PKN2: variants seen among roughly 807,000 people sequenced by gnomAD.
PKN2 encodes serine/threonine-protein kinase N2.
A neutral mutation model predicts 119.1 loss-of-function variants in PKN2; 38 were observed. The ratio of observed to expected loss-of-function variants is 0.32; its 90% CI spans 0.25 to 0.42. The LOEUF is 0.42. Ranked by LOEUF, PKN2 falls within the 10% of genes least tolerant of loss-of-function variation. The pLI is 1.00. For synonymous variants in PKN2, 390 were observed against 384.9 expected (o/e 1.01, Z -0.15); for missense variants, 850 against 1,165.1 (o/e 0.73, Z 3.94).
At chr1:88,764,912 T>C (rs749939693) in intron 3 of PKN2, among the ~76,000 whole-genome samples, 8 of 151,866 alleles carry the variant, frequency 5.3e-5, no homozygotes, top group African/African-American at 1.2e-4. Context: ...TTTGTTGTTA[T>C]TGTTGTTTTG....
chr1:88,802,496 T>C (rs1287539532), intron 8 of PKN2, among the ~76,000 whole-genome samples: 1 of 152,162 alleles, frequency 6.6e-6, no homozygotes, highest in Non-Finnish European at 1.5e-5. Context: ...GGCTAACTTT[T>C]GTATTTTTAG....
At chr1:88,804,591 C>A in intron 9 of PKN2, 57 bp downstream of exon 9, 1 of 1,490,210 alleles carries the variant, frequency 6.7e-7, no homozygotes, top group Non-Finnish European at 9.3e-7. Flanking sequence ...CATATGTAGG[C>A]AGCATAATAT....
chr1:88,759,597 A>G (rs1317364347), intron 2 of PKN2, among the ~76,000 whole-genome samples: 1 of 152,082 alleles, frequency 6.6e-6, no homozygotes, highest in South Asian at 2.1e-4. Flanking sequence ...TAGTTTGTGC[A>G]CATATTTTAC....
At chr1:88,722,799 AAAG>A (rs966927163) in intron 1 of PKN2, among the ~76,000 whole-genome samples, 7 of 151,238 alleles carry the variant, frequency 4.6e-5, no homozygotes, top group South Asian at 2.1e-4. Flanking sequence ...AAAAAAAAAA[AAAG>A]AAACGAAAAA....
intron 3 of PKN2, among the ~76,000 whole-genome samples, chr1:88,764,599 G>C (rs948694990): frequency 7.2e-5 from 11 of 152,142 alleles, no homozygotes; most frequent in Non-Finnish European, 1.5e-4. Flanking sequence ...CTGCCCATTT[G>C]TGGCCGTTTA....
chr1:88,769,504 A>C (rs1322259752), intron 3 of PKN2, among the ~76,000 whole-genome samples: 2 of 152,234 alleles, frequency 1.3e-5, no homozygotes, highest in East Asian at 3.8e-4. Context: ...GAAAATTACA[A>C]ATGTGAATTT....
intron 3 of PKN2, among the ~76,000 whole-genome samples, chr1:88,762,774 T>G (rs2100785376): frequency 6.6e-6 from 1 of 152,332 alleles, no homozygotes; most frequent in South Asian, 2.1e-4. Flanking sequence ...TAAAATCTTT[T>G]AAGTTTTAGT....
chr1:88,723,906 C>T, intron 1 of PKN2, among the ~76,000 whole-genome samples: 1 of 152,066 alleles, frequency 6.6e-6, no homozygotes, highest in East Asian at 1.9e-4. Flanking sequence ...TATTTTTTCT[C>T]TTTTGGTTCT....
intron 1 of PKN2, among the ~76,000 whole-genome samples, chr1:88,729,552 C>T (rs1277001646): frequency 1.3e-5 from 2 of 152,152 alleles, no homozygotes; most frequent in African/African-American, 4.8e-5. Flanking sequence ...TGGTTTCTCT[C>T]GTCTTCCATG....
intron 1 of PKN2, among the ~76,000 whole-genome samples, chr1:88,715,258 G>A (rs1368151227): frequency 6.6e-6 from 1 of 152,052 alleles, no homozygotes; most frequent in Admixed American, 6.6e-5. Context: ...TCTCTGCCAG[G>A]CTTTGCTATA....
chr1:88,795,631 G>C (rs1338963757), intron 8 of PKN2, among the ~76,000 whole-genome samples: 2 of 152,146 alleles, frequency 1.3e-5, no homozygotes, highest in Non-Finnish European at 2.9e-5. Flanking sequence ...AGAGTACTGA[G>C]GTTCCAGGAG....
At chr1:88,692,788 CTT>C (rs1666383222) in intron 1 of PKN2, among the ~76,000 whole-genome samples, 1 of 152,100 alleles carries the variant, frequency 6.6e-6, no homozygotes, top group African/African-American at 2.4e-5. Flanking sequence ...CAGTTCCTAA[CTT>C]TTTCGCTTTC....
chr1:88,741,386 CTT>C (rs1284487401), intron 2 of PKN2, 98 bp downstream of exon 2: 5 of 775,040 alleles, frequency 6.5e-6, no homozygotes, highest in Non-Finnish European at 7.5e-6. Context: ...TAGTTTTTAG[CTT>C]TTCTGAAAGT....
chr1:88,701,068 A>G (rs952073798), intron 1 of PKN2, among the ~76,000 whole-genome samples: 2 of 152,220 alleles, frequency 1.3e-5, no homozygotes, highest in African/African-American at 4.8e-5. Flanking sequence ...ACCAGTCACA[A>G]CAGAAGTAGA....
intron 2 of PKN2, among the ~76,000 whole-genome samples, chr1:88,754,172 G>A (rs1328799001): frequency 6.6e-6 from 1 of 152,008 alleles, no homozygotes; most frequent in Non-Finnish European, 1.5e-5. Flanking sequence ...ATCTCTTTAT[G>A]TATTGTCTTC....
In PKN2 at chr1:88,784,805, A is replaced by G; in HGVS notation, c.1152A>G (p.Leu384=). ...KSKSGSSRNL[L]KTDDLSNDVC... ...AAAGCGGAAGTAGTCGAAATCTTCT[A>G]AAAACCGATGACTTGTCCAGTTCAG... The change falls in exon 7 of 22, where the codon CTA becomes CTG. Residue 384 remains leucine, a synonymous_variant. Transcript: ENST00000370521. 21 of 1,609,670 alleles carry G rather than the reference A, an allele frequency of 1.3e-5. No homozygotes were observed. Among genetic ancestry groups the G allele is most frequent in the Middle Eastern group, 1.7e-4 (1 of 6,050 alleles).
At chr1:88,705,038 G>T (rs1380884869) in intron 1 of PKN2, among the ~76,000 whole-genome samples, 1 of 151,796 alleles carries the variant, frequency 6.6e-6, no homozygotes, top group African/African-American at 2.4e-5. Context: ...CTTATTGAAT[G>T]TTGAGAGTCT....
At position 88,770,408 on chromosome 1, in the gene PKN2, A is replaced by G; in HGVS notation, c.561A>G (p.Ile187Met). 1 of 1,613,712 alleles carries G rather than the reference A, an allele frequency of 6.2e-7. No homozygotes were observed. Among genetic ancestry groups the G allele is most frequent in the South Asian group, 1.1e-5 (1 of 91,074 alleles). ...TGCTCCAGGACAGCAAGACAAAAATAGAAGTCATACGAATGCAGATTCTTC... is the reference window on the plus strand; with the variant it reads ...TGCTCCAGGACAGCAAGACAAAAATGGAAGTCATACGAATGCAGATTCTTC... ...QQLLQDSKTK[I>M]EVIRMQILQA... Residue 187 changes from isoleucine to methionine, a missense_variant, in exon 4 of 22, where the codon ATA becomes ATG. Physicochemically the swap from Ile to Met is conservative, Grantham distance 10. Transcript: ENST00000370521.
intron 1 of PKN2, among the ~76,000 whole-genome samples, chr1:88,690,303 AAGT>A (rs775788724): frequency 1.3e-5 from 2 of 152,366 alleles, no homozygotes; most frequent in South Asian, 2.1e-4. Context: ...TAAACAAATA[AAGT>A]AGTAGTTTGT....
Sources: gnomAD v4.1 joint callset for allele counts (sites outside exome capture counted in the v4.1 genomes callset) on GRCh38, gnomAD v4.1.1 for gene constraint, MANE v1.5 for transcripts, NCBI Gene and HGNC (gene_info 2026-07-23, HGNC 2026-07-21) for gene names.